Variants in MAD2L1BP observed in about 807,000 individuals in gnomAD.
MAD2L1BP encodes MAD2L1 binding protein.
MAD2L1BP carries 22 observed loss-of-function variants against 28.4 expected under a neutral mutation model. The observed-to-expected ratio is 0.77, with a 90% CI of 0.55 to 1.10. The LOEUF is 1.10. Ranked by LOEUF, MAD2L1BP falls within the 50% of genes least tolerant of loss-of-function variation. The pLI is 0.00. For synonymous variants in MAD2L1BP, 146 were observed against 133.7 expected, an observed-to-expected ratio of 1.09 and a Z score of -0.63; for missense variants, 325 against 350.5, an observed-to-expected ratio of 0.93 and a Z score of 0.58.
chr6:43,630,176 A>T (rs537863647), intron 1 of MAD2L1BP, among the ~76,000 whole-genome samples: 2 of 152,248 alleles, frequency 1.3e-5, no homozygotes, highest in African/African-American at 4.8e-5. Context: ...GCCTAGGGCC[A>T]CAGGGGATTT....
At chr6:43,632,133 C>T (rs1373651467), upstream of MAD2L1BP, among the ~76,000 whole-genome samples, 1 of 152,006 alleles carries the variant, frequency 6.6e-6, no homozygotes, top group Non-Finnish European at 1.5e-5. Flanking sequence ...CTCCCAACCT[C>T]AGTTGATCCG....
chr6:43,636,658 CT>C lies in MAD2L1BP; in HGVS notation c.312+15del, dbSNP rs750121993. 6.2e-7 allele frequency: 1 copy of C among 1,606,908 alleles called. No homozygotes were observed. The highest frequency in any genetic ancestry group is 8.5e-7 in the Non-Finnish European group (1 of 1,174,306). On this transcript the variant is annotated intron_variant, in intron 2 of 2. Coordinates refer to ENST00000372171, the MANE Select transcript of MAD2L1BP (RefSeq NM_014628.3). ...AACCTTCTCCCCAGGTAGGCACAGG[CT>C]TTGGGAGCAAGTTGGTGGGAAGACT...
At chr6:43,635,751 C>G, upstream of MAD2L1BP, 1 of 953,600 alleles carries the variant, frequency 1.0e-6, no homozygotes, top group African/African-American at 1.7e-5. Context: ...TTAACCTCCC[C>G]CACACTGCGG....
chr6:43,629,770 G>C lies in MAD2L1BP; in HGVS notation c.20+1G>C. 1 of 1,562,540 alleles carries C rather than the reference G, an allele frequency of 6.4e-7. No individual in the cohort carries two copies. The highest frequency in any genetic ancestry group is 8.7e-7 in the Non-Finnish European group (1 of 1,153,022). ...CCCCTATGGCCCGCGTGCCGCTGGG[G>C]TGAGTCAGGGCGAACGCCAGGGCGG... is the stretch of plus-strand genomic sequence containing the variant. On this transcript the variant is annotated splice_donor_variant, in intron 1 of 3. Coordinates refer to the MAD2L1BP transcript ENST00000451025. LOFTEE classifies it high-confidence loss of function.
exon 1 of MAD2L1BP, chr6:43,629,738 GT>G: frequency 6.4e-7 from 1 of 1,553,024 alleles, no homozygotes; most frequent in Non-Finnish European, 8.7e-7. Flanking sequence ...CTCTGCCTCA[GT>G]TTCTTCCCCT....
At position 43,635,909 on chromosome 6, in the gene MAD2L1BP, G is replaced by A; in HGVS notation, c.34G>A (p.Ala12Thr). ...AAPEAEVLSS[A>T]AVPDLEWYEK... Reference sequence around the variant, plus strand: ...GCCGGAGGCGGAGGTTCTGTCCTCAGCCGCAGTCCCTGGTAAGGCGTGGGG... The same window carrying A: ...GCCGGAGGCGGAGGTTCTGTCCTCAACCGCAGTCCCTGGTAAGGCGTGGGG... Residue 12 changes from alanine (A) to threonine (T), a missense_variant, in exon 1 of 3, where the codon GCC becomes ACC. Ala to Thr is a moderately conservative substitution (Grantham distance 58). Transcript: ENST00000372171. The A allele has an allele frequency of 1.3e-6, 2 of 1,500,488 alleles. No individual in the cohort carries two copies. The highest frequency in any genetic ancestry group is 1.8e-6 in the Non-Finnish European group (2 of 1,130,790). 92.9% of individuals were successfully genotyped at this position (1,500,488 alleles called of 1,614,324 possible).
chr6:43,636,791 T>C lies in MAD2L1BP; in HGVS notation c.312+145T>C, dbSNP rs1428154366. 14 of 917,348 alleles carry C rather than the reference T, an allele frequency of 1.5e-5. No individual in the cohort carries two copies. In the East Asian group the frequency reaches 3.2e-4, roughly 21 times the overall value. 56.8% of individuals were successfully genotyped at this position (917,348 alleles called of 1,614,324 possible). ...TTCGGTCACTTTCTCCCCACTCTAG[T>C]CTTTGGTAGCCTAACCCTTCTGGCT... is the stretch of plus-strand genomic sequence containing the variant. On this transcript the variant is annotated intron_variant, in intron 2 of 2. Coordinates refer to ENST00000372171, the MANE Select transcript of MAD2L1BP (RefSeq NM_014628.3).
At chr6:43,635,777 T>G, upstream of MAD2L1BP, 1 of 1,302,758 alleles carries the variant, frequency 7.7e-7, no homozygotes. Context: ...CCGCGCCTTT[T>G]TTCCGACCCA....
intron 1 of MAD2L1BP, 28 bp downstream of exon 1, chr6:43,635,949 A>G: frequency 6.5e-7 from 1 of 1,529,812 alleles, no homozygotes; most frequent in South Asian, 1.2e-5. Flanking sequence ...GAGTTTGGGG[A>G]GCCTTGGGGA....
At chr6:43,632,280 TA>T (rs1162298726), upstream of MAD2L1BP, among the ~76,000 whole-genome samples, 272 of 141,344 alleles carry the variant, frequency 1.9e-3, no homozygotes, top group South Asian at 0.019. Context: ...TTTTTTTTTT[TA>T]GGTAGGGTCT....
upstream of MAD2L1BP, among the ~76,000 whole-genome samples, chr6:43,631,913 T>G (rs1769944422): frequency 6.6e-6 from 1 of 152,180 alleles, no homozygotes; most frequent in African/African-American, 2.4e-5. Flanking sequence ...TGTTTGTTTG[T>G]TTTTTGATGG....
intron 2 of MAD2L1BP, among the ~76,000 whole-genome samples, chr6:43,637,755 T>C (rs889829903): frequency 3.9e-5 from 6 of 151,936 alleles, no homozygotes; most frequent in South Asian, 2.1e-4. Context: ...TGCGCCACCA[T>C]GTCCAGCTAA....
chr6:43,640,471 A>G lies in MAD2L1BP; in HGVS notation c.763A>G (p.Thr255Ala). 1 of 1,612,604 alleles carries G rather than the reference A, an allele frequency of 6.2e-7. No homozygotes were observed. Among genetic ancestry groups the G allele is most frequent in the East Asian group, 2.2e-5 (1 of 44,840 alleles). ...ATGTGGCAGACCTTCCATCCGAACCACGGCTTGGGAAGACTACATTTGGTT... is the reference window on the plus strand; with the variant it reads ...ATGTGGCAGACCTTCCATCCGAACCGCGGCTTGGGAAGACTACATTTGGTT... ...LSCGRPSIRT[T>A]AWEDYIWFQA... Residue 255 changes from threonine to alanine, a missense_variant, in exon 3 of 3, where the codon ACG (threonine) becomes GCG (alanine). Coordinates refer to ENST00000372171, the MANE Select transcript of MAD2L1BP (RefSeq NM_014628.3).
In MAD2L1BP at chr6:43,640,311, C is replaced by G; in HGVS notation, c.603C>G (p.Ser201Arg). Residue 201 changes from serine (S) to arginine (R), a missense_variant, in exon 3 of 3, where the codon AGC becomes AGG. Ser to Arg is a moderately radical substitution (Grantham distance 110). Coordinates refer to ENST00000372171, the MANE Select transcript of MAD2L1BP (RefSeq NM_014628.3). ...FRAIFMADAF[S>R]ELQAPPLMGT... The stretch of plus-strand genomic sequence containing the variant: ...CCATATTCATGGCTGATGCCTTTAG[C>G]GAGCTTCAGGCTCCTCCACTCATGG... 2 of 1,613,434 alleles carry G rather than the reference C, an allele frequency of 1.2e-6. No homozygotes were observed. The highest frequency in any genetic ancestry group is 2.7e-5 in the African/African-American group (2 of 75,036).
At chr6:43,634,575 T>A (rs1205706781), upstream of MAD2L1BP, among the ~76,000 whole-genome samples, 1 of 152,074 alleles carries the variant, frequency 6.6e-6, no homozygotes, top group Non-Finnish European at 1.5e-5. Context: ...TTTTTCTTTT[T>A]TTTGAGATGG....
Position 43,640,393 on chromosome 6 carries a change from A to G in MAD2L1BP, c.685A>G (p.Lys229Glu). Residue 229 changes from lysine (K) to glutamate (E), a missense_variant, in exon 3 of 3, where the codon AAG becomes GAG. Physicochemically the swap from Lys to Glu is moderately conservative, Grantham distance 56. Transcript: ENST00000372171. ...RNCGEDWFRP[K>E]LNYRVPSRGH... Reference sequence around the variant, plus strand: ...CTGTGGAGAAGATTGGTTTCGACCCAAGCTCAACTATCGAGTGCCCAGCCG... The same window carrying G: ...CTGTGGAGAAGATTGGTTTCGACCCGAGCTCAACTATCGAGTGCCCAGCCG... 2 of 1,614,002 alleles carry G rather than the reference A, an allele frequency of 1.2e-6. No individual in the cohort carries two copies. Among genetic ancestry groups the G allele is most frequent in the Non-Finnish European group, 1.7e-6 (2 of 1,180,022 alleles).
rs1401469571 is a variant in MAD2L1BP at position 43,640,090 on chromosome 6, C to G, written c.382C>G (p.Leu128Val). ...GAGCAGCAGGAAATGCCAACAAGCC[C>G]TGGCAGAACTGGAGAGTGTCCTCAG... The part of the protein sequence containing the change: ...EVSSRKCQQA[L>V]AELESVLSHL... The change falls in exon 3 of 3, where the codon CTG (leucine) becomes GTG (valine). Residue 128 changes from leucine to valine, a missense_variant. Transcript: ENST00000372171. 1 of 1,593,800 alleles carries G rather than the reference C, an allele frequency of 6.3e-7. No homozygotes were observed. The highest frequency in any genetic ancestry group is 1.7e-5 in the Admixed American group (1 of 58,534).
upstream of MAD2L1BP, among the ~76,000 whole-genome samples, chr6:43,634,795 G>A (rs1770110901): frequency 1.3e-5 from 2 of 152,116 alleles, no homozygotes; most frequent in Non-Finnish European, 2.9e-5. Flanking sequence ...TCCTGACCTC[G>A]TGATCCACCT....
upstream of MAD2L1BP, chr6:43,633,199 G>C (rs779886589): frequency 4.7e-6 from 2 of 427,258 alleles, no homozygotes; most frequent in South Asian, 3.3e-5. Context: ...TCCAGGCGGA[G>C]TCTCACTCTG....
Sources: allele counts gnomAD v4.1 joint callset (sites outside exome capture counted in the v4.1 genomes callset), GRCh38; gene constraint gnomAD v4.1.1; transcripts MANE v1.5; gene names NCBI Gene and HGNC (gene_info 2026-07-23, HGNC 2026-07-21).